CHD7: variants seen among roughly 807,000 people sequenced by gnomAD.
CHD7 encodes the protein ATP-dependent chromatin remodeler CHD7.
CHD7 carries 24 observed loss-of-function variants against 307.3 expected under a neutral mutation model. The observed-to-expected ratio is 0.08, with a 90% confidence interval of 0.06 to 0.11. CHD7 has a LOEUF of 0.11. CHD7 is among the 10% of genes least tolerant of loss of function. CHD7 has a pLI of 1.00. For missense variants in CHD7, 3,106 were observed against 3,727.1 expected, an observed-to-expected ratio of 0.83 and a Z score of 4.34; for synonymous variants, 1,363 against 1,349.9, an observed-to-expected ratio of 1.01 and a Z score of -0.21.
chr8:60,698,699 G>A (rs532168380), intron 1 of CHD7, among the ~76,000 whole-genome samples: 3 of 152,310 alleles, frequency 2.0e-5, no homozygotes, highest in African/African-American at 7.2e-5. Flanking sequence ...TTGTTTCTTA[G>A]TAAAGAGAAC....
At position 60,841,625 on chromosome 8, in the gene CHD7, G is replaced by A. The variant is rs1386563597; in HGVS notation, c.4534-19G>A. ...TGAGAAAGGCCTCTCAAAGTAATGC[G>A]TTTCTTTTTTCTCTTTAGGCCAGTT... On this transcript the variant is annotated intron_variant, in intron 19 of 37. Coordinates refer to ENST00000423902, the MANE Select transcript of CHD7 (RefSeq NM_017780.4). 29 of 1,582,124 alleles carry A rather than the reference G, an allele frequency of 1.8e-5. No individual in the cohort carries two copies. The highest frequency in any genetic ancestry group is 2.2e-5 in the South Asian group (2 of 90,424).
At chr8:60,804,105 TA>T (rs1229542679) in intron 6 of CHD7, among the ~76,000 whole-genome samples, 1 of 152,240 alleles carries the variant, frequency 6.6e-6, no homozygotes, top group African/African-American at 2.4e-5. Flanking sequence ...AGAGGCACCG[TA>T]AGTCAGCACC....
At position 60,854,498 on chromosome 8, in the gene CHD7, C is replaced by T; in HGVS notation, c.6911C>T (p.Thr2304Ile). The T allele has an allele frequency of 6.2e-7, 1 of 1,603,972 alleles. No homozygotes were observed. The highest frequency in any genetic ancestry group is 8.5e-7 in the Non-Finnish European group (1 of 1,172,656). ...PSVAQLLHER[T>I]FAFSFWPKDR... ...GTAGCTCAGCTCCTTCATGAAAGAACATTTGCCTTCTCGTTTTGGCCTAAG... is the reference window on the plus strand; with the variant it reads ...GTAGCTCAGCTCCTTCATGAAAGAATATTTGCCTTCTCGTTTTGGCCTAAG... Residue 2304 changes from threonine to isoleucine, a missense_variant, in exon 32 of 38, where the codon ACA becomes ATA. Transcript: ENST00000423902.
chr8:60,779,461 G>T (rs1811101583), intron 2 of CHD7, among the ~76,000 whole-genome samples: 1 of 152,132 alleles, frequency 6.6e-6, no homozygotes, highest in Admixed American at 6.5e-5. Context: ...ACCTGGGGTG[G>T]CCACATCACC....
chr8:60,750,018 AG>A (rs1809555059), intron 2 of CHD7, among the ~76,000 whole-genome samples: 3 of 152,256 alleles, frequency 2.0e-5, no homozygotes, highest in Admixed American at 6.5e-5. Flanking sequence ...GTTAAAGCAC[AG>A]GGAAAAATCT....
chr8:60,741,415 G>A lies in CHD7; in HGVS notation c.-18G>A, dbSNP rs755552514. ...AGCTCCTGAGCTGTGGTTTGGAGGA[G>A]CCGTGTGTTGGAAGAAGATGGCAGA... On this transcript the variant is annotated 5_prime_UTR_variant, in exon 2 of 38. Transcript: ENST00000423902. 16 of 1,574,910 alleles carry A rather than the reference G, an allele frequency of 1.0e-5. No individual in the cohort carries two copies. Among genetic ancestry groups the A allele is most frequent in the Non-Finnish European group, 1.3e-5 (15 of 1,157,274 alleles).
At chr8:60,710,817 C>T (rs1163124086) in intron 1 of CHD7, among the ~76,000 whole-genome samples, 2 of 152,156 alleles carry the variant, frequency 1.3e-5, no homozygotes, top group East Asian at 1.9e-4. Flanking sequence ...TCCTAGTGTC[C>T]TGCGTAAAAA....
At chr8:60,764,789 C>A (rs1405656399) in intron 2 of CHD7, among the ~76,000 whole-genome samples, 1 of 152,116 alleles carries the variant, frequency 6.6e-6, no homozygotes, top group South Asian at 2.1e-4. Context: ...AGAAGAAATG[C>A]AGGGCCAGGA....
chr8:60,684,144 TA>T (rs1805763019), intron 1 of CHD7, among the ~76,000 whole-genome samples: 1 of 152,192 alleles, frequency 6.6e-6, no homozygotes, highest in African/African-American at 2.4e-5. Flanking sequence ...TTTTTAAAAG[TA>T]AAAAATAACG....
At chr8:60,716,588 C>G (rs1345134762) in intron 1 of CHD7, among the ~76,000 whole-genome samples, 1 of 152,226 alleles carries the variant, frequency 6.6e-6, no homozygotes, top group Non-Finnish European at 1.5e-5. Context: ...CCTTACCACC[C>G]AATTTAAAAT....
chr8:60,722,908 T>C (rs1486580970), intron 1 of CHD7, among the ~76,000 whole-genome samples: 2 of 152,216 alleles, frequency 1.3e-5, no homozygotes, highest in African/African-American at 4.8e-5. Context: ...GGGTAGCTTC[T>C]TAAAGGTTAG....
chr8:60,781,577 A>C, intron 3 of CHD7, 147 bp downstream of exon 3: 1 of 1,197,554 alleles, frequency 8.4e-7, no homozygotes, highest in Non-Finnish European at 1.1e-6. Flanking sequence ...CCAAACTAAA[A>C]AGCTAAGGCT....
chr8:60,738,009 T>G (rs556677976), intron 1 of CHD7, among the ~76,000 whole-genome samples: 1 of 152,370 alleles, frequency 6.6e-6, no homozygotes, highest in African/African-American at 2.4e-5. Flanking sequence ...TTAATTTTTA[T>G]GTAACACCAA....
chr8:60,819,984 T>C (rs765675763), intron 8 of CHD7, 23 bp from the exon 9 acceptor site: 1 of 1,205,410 alleles, frequency 8.3e-7, no homozygotes, highest in South Asian at 1.7e-5. Context: ...AACCTTTAAC[T>C]TTTTTTTTTC....
chr8:60,800,565 A>ATATG (rs1812259494), intron 5 of CHD7, 40 bp downstream of exon 5: 69 of 1,481,980 alleles, frequency 4.7e-5, no homozygotes, highest in Non-Finnish European at 6.0e-5. Flanking sequence ...TGCATTTTAA[A>ATATG]GATGGACTAG....
intron 12 of CHD7, 104 bp from the exon 13 acceptor site, chr8:60,823,736 G>C: frequency 1.1e-6 from 1 of 950,232 alleles, no homozygotes; most frequent in East Asian, 2.6e-5. Context: ...AAAATAAAGA[G>C]ATCTCCAAAG....
chr8:60,852,776 G>A, intron 30 of CHD7, 53 bp from the exon 31 acceptor site: 1 of 1,609,348 alleles, frequency 6.2e-7, no homozygotes, highest in Non-Finnish European at 8.5e-7. Context: ...AGTGTACAAT[G>A]TAGAATGCCC....
intron 13 of CHD7, 33 bp downstream of exon 13, chr8:60,824,049 T>C: frequency 2.5e-6 from 4 of 1,578,042 alleles, no homozygotes; most frequent in Non-Finnish European, 3.5e-6. Flanking sequence ...GCACTGAACC[T>C]GAATAGAATT....
chr8:60,790,400 T>A (rs1811715721), intron 3 of CHD7, among the ~76,000 whole-genome samples: 1 of 152,204 alleles, frequency 6.6e-6, no homozygotes, highest in Admixed American at 6.5e-5. Context: ...CAAAAGAGGT[T>A]TGTGAGTATG....
Sources: gnomAD v4.1 joint callset for allele counts (sites outside exome capture counted in the v4.1 genomes callset) on GRCh38, gnomAD v4.1.1 for gene constraint, MANE v1.5 for transcripts, NCBI Gene and HGNC (gene_info 2026-07-23, HGNC 2026-07-21) for gene names.